SYNE3: variants seen among roughly 807,000 people sequenced by gnomAD.
SYNE3 encodes nesprin-3.
In SYNE3, 100 loss-of-function variants were observed where a neutral mutation model predicts 111.2. The ratio of observed to expected loss-of-function variants is 0.90; its 90% CI spans 0.77 to 1.06. SYNE3 has a LOEUF of 1.06. SYNE3 is among the 50% of genes least tolerant of loss of function. The pLI is 0.00. For missense variants in SYNE3, 1,160 were observed against 1,240.3 expected (o/e 0.94, Z 0.97); for synonymous variants, 547 against 533.9 (o/e 1.02, Z -0.34).
intron 4 of SYNE3, among the ~76,000 whole-genome samples, chr14:95,457,592 G>C (rs1306653191): frequency 6.6e-6 from 1 of 152,204 alleles, no homozygotes; most frequent in African/African-American, 2.4e-5. Flanking sequence ...TATGCAGCTG[G>C]CTTTCTTGTT....
chr14:95,514,636 G>C (rs1475031506), intron 1 of SYNE3, among the ~76,000 whole-genome samples: 1 of 152,244 alleles, frequency 6.6e-6, no homozygotes, highest in Non-Finnish European at 1.5e-5. Context: ...CCTTTCCACG[G>C]GGAAGGACGC....
At position 95,415,580 on chromosome 14, in the gene SYNE3, C is replaced by G. The variant is rs1448144515; in HGVS notation, c.*2246G>C. 1 of 151,806 alleles carries G rather than the reference C, an allele frequency of 6.6e-6. No homozygotes were observed. Among genetic ancestry groups the G allele is most frequent in the Non-Finnish European group, 1.5e-5 (1 of 68,002 alleles). The allele number at this position is 151,806 out of a possible 1,614,324, so 9.4% of individuals were successfully genotyped here. ...CTTGTAGAAATAAGTTAAACTGAAG[C>G]AGCTTGAGGGAAGGAACTTGATGGA... On this transcript the variant is annotated 3_prime_UTR_variant, in exon 18 of 18. Coordinates refer to ENST00000682763, the MANE Select transcript of SYNE3 (RefSeq NM_152592.6).
intron 4 of SYNE3, among the ~76,000 whole-genome samples, chr14:95,465,704 A>T (rs1888120080): frequency 6.6e-6 from 1 of 151,976 alleles, no homozygotes; most frequent in Non-Finnish European, 1.5e-5. Flanking sequence ...TGGATAGTGA[A>T]GGGGAGATTT....
At chr14:95,469,353 G>C (rs1247250127) in intron 2 of SYNE3, among the ~76,000 whole-genome samples, 1 of 151,814 alleles carries the variant, frequency 6.6e-6, no homozygotes, top group Non-Finnish European at 1.5e-5. Context: ...CTGAGACAAC[G>C]ATAACAGTCT....
chr14:95,444,382 C>A (rs1886582081), intron 10 of SYNE3, 103 bp downstream of exon 10: 9 of 1,455,670 alleles, frequency 6.2e-6, no homozygotes, highest in Non-Finnish European at 8.2e-6. Context: ...ATTTCTGGCT[C>A]ACGGCAGCTG....
Position 95,481,650 on chromosome 14 carries a change from G to A in SYNE3, c.-14-5815C>T, listed in dbSNP as rs1291537602. 2.0e-5 allele frequency among the ~76,000 whole-genome samples: 3 copies of A among 152,172 alleles called. No homozygotes were observed. In the East Asian group the frequency reaches 5.8e-4, roughly 29 times the overall value. On this transcript the variant is annotated intron_variant, in intron 1 of 17. Transcript: ENST00000682763. ...GCCAGTATAGGGGAGCCGGGACAAT[G>A]CAGCCCGCAGGGGGTCAGCTCTCCT...
chr14:95,421,361 G>A (rs1037174959), intron 17 of SYNE3, among the ~76,000 whole-genome samples: 1 of 152,104 alleles, frequency 6.6e-6, no homozygotes, highest in Non-Finnish European at 1.5e-5. Context: ...CCAGATTTCT[G>A]GGGATCGCAG....
At position 95,439,974 on chromosome 14, in the gene SYNE3, C is replaced by T. The variant is rs1595192094; in HGVS notation, c.2013G>A (p.Leu671=). ...RQWIVVTTQK[L]EAHRGEAGPG... ...GGCCCGCCTCTCCCCGGTGTGCCTC[C>T]AGCTTTTGCGTGGTCACAACGATCC... Residue 671 remains leucine (L), a synonymous_variant, in exon 12 of 18, where the codon CTG becomes CTA. Coordinates refer to ENST00000682763, the MANE Select transcript of SYNE3 (RefSeq NM_152592.6). 2 of 1,614,046 alleles carry T rather than the reference C, an allele frequency of 1.2e-6. No individual in the cohort carries two copies. The highest frequency in any genetic ancestry group is 1.7e-6 in the Non-Finnish European group (2 of 1,180,034).
At chr14:95,438,223 G>GCA in intron 14 of SYNE3, 1 of 152,334 alleles carries the variant, frequency 6.6e-6, no homozygotes, top group Non-Finnish European at 1.5e-5. Context: ...AACTACAGGA[G>GCA]CACACCACCA....
rs554105607 is a variant in SYNE3 at position 95,452,269 on chromosome 14, C to T, written c.1252G>A (p.Ala418Thr). The T allele has an allele frequency of 6.1e-5, 98 of 1,611,948 alleles. No homozygotes were observed. Among genetic ancestry groups the T allele is most frequent in the East Asian group, 8.9e-5 (4 of 44,812 alleles). ...TACCTCTGATACTCCTGGATGGTAGCGATGACACTATCAGAGAGTGGCTTC... is the reference window on the plus strand; with the variant it reads ...TACCTCTGATACTCCTGGATGGTAGTGATGACACTATCAGAGAGTGGCTTC... ...NLKPLSDSVI[A>T]TIQEYQSLKV... The change falls in exon 7 of 18, where the codon GCT becomes ACT. Residue 418 changes from alanine (A) to threonine (T), a missense_variant. By Grantham distance (58) the Ala-to-Thr change is moderately conservative (BLOSUM62 0). Transcript: ENST00000682763.
chr14:95,456,830 A>C (rs1887471106), intron 5 of SYNE3, among the ~76,000 whole-genome samples: 1 of 152,148 alleles, frequency 6.6e-6, no homozygotes, highest in Non-Finnish European at 1.5e-5. Flanking sequence ...CACACCTGTA[A>C]TCGCAGCACT....
chr14:95,451,307 A>G (rs1887060617), intron 7 of SYNE3: 1 of 152,302 alleles, frequency 6.6e-6, no homozygotes, highest in Non-Finnish European at 1.5e-5. Flanking sequence ...TGGAAGAAGC[A>G]AACAAAACCC....
At chr14:95,516,169 G>C (rs947070976) in intron 1 of SYNE3, 4 of 152,426 alleles carry the variant, frequency 2.6e-5, no homozygotes, top group Admixed American at 2.6e-4. Context: ...GAGCGCGCTC[G>C]CGGTCGCCAG....
rs1242515677 is a variant in SYNE3 at position 95,500,650 on chromosome 14, A to G, written c.-15+15946T>C. Among the ~76,000 whole-genome samples the G allele has an allele frequency of 6.6e-6, 1 of 152,176 alleles. No homozygotes were observed. The highest frequency in any genetic ancestry group is 1.9e-4 in the East Asian group (1 of 5,188). ...GTGTGCAGCACTTGGAAGCTGAGCA[A>G]CCACCTTCATGATTCCCGCTGATCC... On this transcript the variant is annotated intron_variant, in intron 1 of 17. Transcript: ENST00000682763. This position sits in a 1 kb window ranked among gnomAD's most constrained non-coding sequence, Gnocchi z 4.7.
rs778149668 is a variant in SYNE3 at position 95,409,683 on chromosome 14, A to T, written c.*8143T>A. ...CCTGTGTTTTAATGTTCTTTTAGAAACAAATTCCTCCTTGTTCTTACTTTG... is the reference window on the plus strand; with the variant it reads ...CCTGTGTTTTAATGTTCTTTTAGAATCAAATTCCTCCTTGTTCTTACTTTG... On this transcript the variant is annotated 3_prime_UTR_variant, in exon 18 of 18. Coordinates refer to ENST00000682763, the MANE Select transcript of SYNE3 (RefSeq NM_152592.6). The T allele has an allele frequency of 9.7e-6, 3 of 310,572 alleles. No homozygotes were observed. Among genetic ancestry groups the T allele is most frequent in the African/African-American group, 6.5e-5 (3 of 46,178 alleles). The allele number at this position is 310,572 out of a possible 1,614,324, so 19.2% of individuals were successfully genotyped here.
At chr14:95,478,333 C>G (rs1889016314) in intron 1 of SYNE3, among the ~76,000 whole-genome samples, 1 of 152,180 alleles carries the variant, frequency 6.6e-6, no homozygotes, top group Non-Finnish European at 1.5e-5. Context: ...GCTTCTTTAC[C>G]ACCTAATGTG....
intron 5 of SYNE3, among the ~76,000 whole-genome samples, chr14:95,456,764 G>A (rs1887466553): frequency 6.6e-6 from 1 of 152,078 alleles, no homozygotes; most frequent in African/African-American, 2.4e-5. Flanking sequence ...TATATTCTGT[G>A]GCACCAAGCA....
chr14:95,428,859 G>A (rs1885580395), intron 17 of SYNE3, among the ~76,000 whole-genome samples: 1 of 152,212 alleles, frequency 6.6e-6, no homozygotes, highest in Non-Finnish European at 1.5e-5. Flanking sequence ...ACGTAGCTGG[G>A]GCTTTCAATG....
chr14:95,475,624 G>A (rs1483089077), intron 2 of SYNE3, 54 bp downstream of exon 2: 36 of 1,379,190 alleles, frequency 2.6e-5, no homozygotes, highest in Admixed American at 8.9e-5. Flanking sequence ...GTCTGAGGGC[G>A]GGGTGGGATG....
Sources: gnomAD v4.1 joint callset for allele counts (sites outside exome capture counted in the v4.1 genomes callset) on GRCh38, gnomAD v4.1.1 for gene constraint, Gnocchi (gnomAD v3.1) non-coding constraint, MANE v1.5 for transcripts, NCBI Gene and HGNC (gene_info 2026-07-23, HGNC 2026-07-21) for gene names.